HDAC9: variants seen among roughly 807,000 people sequenced by gnomAD.
HDAC9 encodes histone deacetylase 9.
HDAC9 carries 41 observed loss-of-function variants against 139.4 expected under a neutral mutation model. That is an observed-to-expected ratio of 0.29 (90% CI 0.23 to 0.38). The LOEUF is 0.38. Ranked by LOEUF, HDAC9 falls within the 10% of genes least tolerant of loss-of-function variation. The pLI is 1.00. For synonymous variants in HDAC9, 517 were observed against 476.2 expected (o/e 1.09, Z -1.12); for missense variants, 1,147 against 1,297.0 (o/e 0.88, Z 1.78).
intron 17 of HDAC9, among the ~76,000 whole-genome samples, chr7:18,804,041 A>G (rs1353001256): frequency 2.0e-5 from 3 of 152,236 alleles, no homozygotes; most frequent in Non-Finnish European, 4.4e-5. Flanking sequence ...GACATATGAT[A>G]CAAGTTCATG....
chr7:18,769,008 A>G (rs1276073101), intron 16 of HDAC9, among the ~76,000 whole-genome samples: 1 of 152,198 alleles, frequency 6.6e-6, no homozygotes, highest in Non-Finnish European at 1.5e-5. Flanking sequence ...AGGCTAGGCT[A>G]AGCCATGATG....
At chr7:18,622,912 G>A (rs1016717967) in intron 6 of HDAC9, among the ~76,000 whole-genome samples, 51 of 151,824 alleles carry the variant, frequency 3.4e-4, no homozygotes, top group Admixed American at 3.3e-3. Flanking sequence ...GGGAGGCCAA[G>A]GCAAGCAGAA....
At position 19,000,417 on chromosome 7, in the gene HDAC9, T is replaced by C. The variant is rs1786694475; in HGVS notation, c.*4355T>C. On this transcript the variant is annotated 3_prime_UTR_variant, in exon 26 of 26. Transcript: ENST00000686413. ...AAACGCTTCATGAAGCAGAGCATGA[T>C]TGTCAAGTGACCAGAGGATGACATT... 1 of 152,224 alleles carries C rather than the reference T, an allele frequency of 6.6e-6. No homozygotes were observed. Among genetic ancestry groups the C allele is most frequent in the Admixed American group, 6.5e-5 (1 of 15,282 alleles). 9.4% of individuals were successfully genotyped at this position (152,224 alleles called of 1,614,324 possible).
At chr7:18,333,343 A>G (rs1360131580) in intron 1 of HDAC9, among the ~76,000 whole-genome samples, 2 of 151,532 alleles carry the variant, frequency 1.3e-5, no homozygotes, top group African/African-American at 4.8e-5. Flanking sequence ...CATGTACAAC[A>G]TGAGGATTAA....
intron 17 of HDAC9, among the ~76,000 whole-genome samples, chr7:18,795,325 T>TC (rs1211070126): frequency 6.8e-6 from 1 of 146,860 alleles, no homozygotes; most frequent in Non-Finnish European, 1.5e-5. Context: ...TAGTCCAGGT[T>TC]CCACCACTTG....
chr7:18,585,815 C>G (rs1441508662), intron 3 of HDAC9, among the ~76,000 whole-genome samples: 1 of 151,624 alleles, frequency 6.6e-6, no homozygotes, highest in African/African-American at 2.4e-5. Context: ...GTTCATTTGC[C>G]CCATCTGCTC....
intron 1 of HDAC9, among the ~76,000 whole-genome samples, chr7:18,161,810 A>G (rs977876845): frequency 6.6e-6 from 1 of 152,098 alleles, no homozygotes; most frequent in East Asian, 1.9e-4. Context: ...AAGAGGTCCT[A>G]TCTGTAAAAG....
chr7:18,316,654 T>TAAA (rs1799664692), intron 1 of HDAC9, among the ~76,000 whole-genome samples: 1 of 81,182 alleles, frequency 1.2e-5, no homozygotes. Context: ...AAAAAAAAAT[T>TAAA]GGCTGGGTGT....
At chr7:18,416,644 A>G (rs939557551) in intron 1 of HDAC9, among the ~76,000 whole-genome samples, 12 of 152,124 alleles carry the variant, frequency 7.9e-5, no homozygotes, top group African/African-American at 2.7e-4. Flanking sequence ...GGTTTTTCAA[A>G]GAGTTTGTCC....
intron 2 of HDAC9, among the ~76,000 whole-genome samples, chr7:18,540,273 CAA>C (rs967501382): frequency 3.7e-4 from 16 of 43,174 alleles, no homozygotes; most frequent in East Asian, 7.0e-4. Flanking sequence ...AACTCCATCT[CAA>C]AAAAAAAAAA....
At chr7:18,671,810 G>A (rs1003562302) in intron 12 of HDAC9, among the ~76,000 whole-genome samples, 1 of 151,926 alleles carries the variant, frequency 6.6e-6, no homozygotes, top group Non-Finnish European at 1.5e-5. Flanking sequence ...TCATATAAAT[G>A]AAGTCATGCA....
chr7:18,930,412 T>C (rs983469226), intron 22 of HDAC9, among the ~76,000 whole-genome samples: 2 of 152,038 alleles, frequency 1.3e-5, no homozygotes, highest in Admixed American at 6.6e-5. Flanking sequence ...AAACTTGCAA[T>C]CATGCCTACT....
intron 12 of HDAC9, among the ~76,000 whole-genome samples, chr7:18,695,887 TCA>T (rs144277096): frequency 8.3e-4 from 126 of 152,330 alleles, no homozygotes; most frequent in African/African-American, 2.8e-3. Flanking sequence ...TGCAGTTTTG[TCA>T]CACGTTTTTA....
intron 2 of HDAC9, among the ~76,000 whole-genome samples, chr7:18,233,822 A>C (rs1212357158): frequency 6.6e-6 from 1 of 152,206 alleles, no homozygotes; most frequent in African/African-American, 2.4e-5. Context: ...TGCTAGTATA[A>C]AAGGTTCTGA....
chr7:18,128,654 A>T (rs999212215), intron 1 of HDAC9, among the ~76,000 whole-genome samples: 8 of 152,252 alleles, frequency 5.3e-5, no homozygotes, highest in Non-Finnish European at 1.2e-4. Flanking sequence ...GCAGTCAGCC[A>T]TGCACTTAGA....
intron 1 of HDAC9, among the ~76,000 whole-genome samples, chr7:18,343,086 G>A (rs755024695): frequency 1.3e-5 from 2 of 151,550 alleles, no homozygotes; most frequent in African/African-American, 4.8e-5. Context: ...GATCCTCTCG[G>A]TACCCTCCTG....
At chr7:18,729,677 GT>G (rs35242513) in intron 13 of HDAC9, among the ~76,000 whole-genome samples, 48,711 of 151,836 alleles carry the variant, frequency 0.32, 9,577 homozygotes, top group African/African-American at 0.54. Context: ...AGAGAGTTAG[GT>G]TTTTTTCCCC....
rs1829067668 is a variant in HDAC9, at chr7:18,585,176, TTGTA to T, written c.23-104_23-101del. On this transcript the variant is annotated intron_variant, in intron 2 of 25. Coordinates refer to ENST00000686413, the MANE Select transcript of HDAC9 (RefSeq NM_178425.4). ...GCTAGAGTCATTGGCATAAAATTTGTTGTACAGGGTCTTATACTTTTTATTTGTT... is the reference window on the plus strand; with the variant it reads ...GCTAGAGTCATTGGCATAAAATTTGTCAGGGTCTTATACTTTTTATTTGTT... The T allele has an allele frequency of 5.6e-6, 7 of 1,249,204 alleles. No individual in the cohort carries two copies. The East Asian group carries it at 1.6e-4, about 29-fold the overall frequency. The allele number at this position is 1,249,204 out of a possible 1,614,324, so 77.4% of individuals were successfully genotyped here. A position where few individuals can be genotyped will look rare whatever the true frequency, so the allele number is the denominator to read the frequency against.
chr7:18,887,186 G>C (rs2129264264), intron 22 of HDAC9, among the ~76,000 whole-genome samples: 1 of 152,260 alleles, frequency 6.6e-6, no homozygotes, highest in Non-Finnish European at 1.5e-5. Flanking sequence ...CTACTACAGA[G>C]GTTTCCAAAT....
Sources: gnomAD v4.1 joint callset for allele counts (sites outside exome capture counted in the v4.1 genomes callset) on GRCh38, gnomAD v4.1.1 for gene constraint, MANE v1.5 for transcripts, NCBI Gene and HGNC (gene_info 2026-07-23, HGNC 2026-07-21) for gene names.